The following CMSS1 variants were observed in gnomAD, a reference collection of about 807,000 sequenced individuals.
CMSS1 encodes the protein cms1 ribosomal small subunit homolog.
Under a neutral mutation model 43.5 loss-of-function variants are expected in CMSS1, and 33 were observed. The ratio of observed to expected loss-of-function variants is 0.76; its 90% CI spans 0.57 to 1.01. CMSS1 has a LOEUF of 1.01. CMSS1 is among the 50% of genes least tolerant of loss of function. The probability of loss-of-function intolerance (pLI) is 0.00; values close to 1 mark genes in which losing one functional copy is unlikely to be tolerated. For missense variants in CMSS1, 313 were observed against 326.4 expected (o/e 0.96, Z 0.32); for synonymous variants, 115 against 117.2 (o/e 0.98, Z 0.12).
chr3:100,066,049 AG>A (rs1249581073), intron 1 of CMSS1, among the ~76,000 whole-genome samples: 1 of 152,216 alleles, frequency 6.6e-6, no homozygotes, highest in Non-Finnish European at 1.5e-5. Context: ...AAAGTTTGAG[AG>A]CCACTGCTAT....
At chr3:99,930,365 C>T (rs558583138) in intron 1 of CMSS1, among the ~76,000 whole-genome samples, 1 of 152,234 alleles carries the variant, frequency 6.6e-6, no homozygotes, top group South Asian at 2.1e-4. Flanking sequence ...TGTGTACCAG[C>T]TGTTTTTAGA....
intron 1 of CMSS1, chr3:99,931,052 T>C (rs1311755885): frequency 6.2e-7 from 1 of 1,603,556 alleles, no homozygotes; most frequent in African/African-American, 1.3e-5. Flanking sequence ...GAAGAAAATT[T>C]GTAAAGCTTA....
intron 1 of CMSS1, among the ~76,000 whole-genome samples, chr3:99,954,821 G>C (rs1419265068): frequency 1.3e-5 from 2 of 150,840 alleles, no homozygotes; most frequent in Non-Finnish European, 2.9e-5. Context: ...GCAAGACTCT[G>C]TCTCAAAAAA....
chr3:99,943,225 G>A (rs997757232), intron 1 of CMSS1, among the ~76,000 whole-genome samples: 4 of 152,150 alleles, frequency 2.6e-5, no homozygotes, highest in Admixed American at 6.6e-5. Flanking sequence ...AACCAATTAT[G>A]ACATTAAAAT....
chr3:100,032,536 G>A (rs566873388), intron 1 of CMSS1, among the ~76,000 whole-genome samples: 8 of 152,176 alleles, frequency 5.3e-5, no homozygotes, highest in African/African-American at 1.9e-4. Context: ...TTCCCCTTTC[G>A]CAAAAACTGA....
At chr3:100,061,155 T>G (rs1282048476) in intron 1 of CMSS1, among the ~76,000 whole-genome samples, 1 of 152,104 alleles carries the variant, frequency 6.6e-6, no homozygotes, top group African/African-American at 2.4e-5. Flanking sequence ...AAAAAAAAAT[T>G]TTAAAAGGAA....
chr3:99,991,862 G>A (rs1158685570), intron 1 of CMSS1, among the ~76,000 whole-genome samples: 2 of 147,520 alleles, frequency 1.4e-5, no homozygotes, highest in Non-Finnish European at 3.0e-5. Context: ...GTGTGTATGT[G>A]TATATATATA....
rs561433978 is a variant in CMSS1 at position 99,914,310 on chromosome 3, G to T, written c.64+96267G>T. 2.0e-5 allele frequency among the ~76,000 whole-genome samples: 3 copies of T among 152,278 alleles called. No individual in the cohort carries two copies. The East Asian group carries it at 5.8e-4, about 29-fold the overall frequency. On this transcript the variant is annotated intron_variant, in intron 1 of 9. Coordinates refer to ENST00000421999, the MANE Select transcript of CMSS1 (RefSeq NM_032359.4). ...GTTTTTTTATTTTTGGAAGACCAGT[G>T]ATGCTAGGCCATGAGAACCTGAATT...
intron 1 of CMSS1, among the ~76,000 whole-genome samples, chr3:100,078,521 T>G (rs1235750648): frequency 6.6e-6 from 1 of 152,158 alleles, no homozygotes; most frequent in Admixed American, 6.5e-5. Context: ...TTGGCTTCCC[T>G]GGGCCACATT....
intron 1 of CMSS1, among the ~76,000 whole-genome samples, chr3:99,855,950 C>T (rs1158890193): frequency 2.0e-5 from 3 of 152,300 alleles, no homozygotes; most frequent in African/African-American, 7.2e-5. Flanking sequence ...TTCAACCTAA[C>T]GAAATCTGTA....
intron 4 of CMSS1, among the ~76,000 whole-genome samples, chr3:100,164,307 T>C (rs2067048982): frequency 6.6e-6 from 1 of 152,332 alleles, no homozygotes; most frequent in South Asian, 2.1e-4. Context: ...TTAGAGCAAC[T>C]TGAACTTAGG....
In CMSS1 at chr3:99,890,887, G is replaced by A. The variant is rs149190149; in HGVS notation, c.64+72844G>A. ...TTCAGATTTTTTTATATGAAGTCAC[G>A]TATCTCAGAATTTTATATGTAGGAA... On this transcript the variant is annotated intron_variant, in intron 1 of 9. Coordinates refer to ENST00000421999, the MANE Select transcript of CMSS1 (RefSeq NM_032359.4). Among the ~76,000 whole-genome samples the A allele has an allele frequency of 1.4e-3, 218 of 152,018 alleles. 1 individual carries two copies. Among genetic ancestry groups the A allele is most frequent in the Non-Finnish European group, 2.5e-3 (173 of 67,946 alleles).
chr3:100,137,170 G>T (rs758371819), intron 1 of CMSS1, among the ~76,000 whole-genome samples: 2 of 152,196 alleles, frequency 1.3e-5, no homozygotes, highest in Non-Finnish European at 2.9e-5. Context: ...AAACATTCTG[G>T]CTCCTAGGGA....
chr3:99,852,151 G>A (rs143870316), intron 1 of CMSS1, among the ~76,000 whole-genome samples: 2 of 152,070 alleles, frequency 1.3e-5, no homozygotes, highest in Non-Finnish European at 2.9e-5. Flanking sequence ...TTTTAAATTT[G>A]TGGCACTCTC....
chr3:100,071,605 C>A (rs2065765060), intron 1 of CMSS1, among the ~76,000 whole-genome samples: 1 of 152,164 alleles, frequency 6.6e-6, no homozygotes, highest in Admixed American at 6.5e-5. Flanking sequence ...TTTTGATGTC[C>A]TCGGGCCAGT....
chr3:100,040,598 C>T (rs570356223), intron 1 of CMSS1: 1 of 152,312 alleles, frequency 6.6e-6, no homozygotes, highest in African/African-American at 2.4e-5. Flanking sequence ...CTGAACAGGC[C>T]CTTATATATG....
intron 2 of CMSS1, among the ~76,000 whole-genome samples, chr3:100,152,184 T>G (rs1186312582): frequency 1.3e-5 from 2 of 151,848 alleles, no homozygotes; most frequent in Non-Finnish European, 2.9e-5. Flanking sequence ...CTTTGTTTTG[T>G]CCTCCAATTA....
At position 100,137,817 on chromosome 3, in the gene CMSS1, C is replaced by T. The variant is rs755775169; in HGVS notation, c.65-9156C>T. On this transcript the variant is annotated intron_variant, in intron 1 of 9. Transcript: ENST00000421999. ...TCCTGACCTCATGGTCTGCCTGTCT[C>T]GGCCTTCCAAAGTGCTGGGATTACA... is the stretch of plus-strand genomic sequence containing the variant. 1.7e-4 allele frequency among the ~76,000 whole-genome samples: 26 copies of T among 152,142 alleles called. 1 individual carries two copies. Among genetic ancestry groups the T allele is most frequent in the Admixed American group, 7.2e-4 (11 of 15,282 alleles).
At chr3:100,137,142 C>A (rs1319544109) in intron 1 of CMSS1, among the ~76,000 whole-genome samples, 1 of 152,184 alleles carries the variant, frequency 6.6e-6, no homozygotes. Context: ...AAGAGTAGTT[C>A]CCAGCCCTGG....
Sources: gnomAD v4.1 joint callset for allele counts (sites outside exome capture counted in the v4.1 genomes callset) on GRCh38, gnomAD v4.1.1 for gene constraint, MANE v1.5 for transcripts, NCBI Gene and HGNC (gene_info 2026-07-23, HGNC 2026-07-21) for gene names.